Variants in NELL1 observed in about 807,000 individuals in gnomAD.
NELL1 encodes the protein protein kinase C-binding protein NELL1.
A neutral mutation model predicts 107.4 loss-of-function variants in NELL1; 76 were observed. The observed-to-expected ratio is 0.71, with a 90% CI of 0.59 to 0.86. The LOEUF is 0.86. NELL1 is among the 40% of genes least tolerant of loss of function. NELL1 has a pLI of 0.00. For synonymous variants in NELL1, 353 were observed against 341.2 expected, an observed-to-expected ratio of 1.03 and a Z score of -0.38; for missense variants, 1,024 against 1,005.5, an observed-to-expected ratio of 1.02 and a Z score of -0.25.
intron 2 of NELL1, among the ~76,000 whole-genome samples, chr11:20,693,425 C>T (rs185254379): frequency 0.063 from 9,581 of 152,008 alleles, 335 homozygotes; most frequent in Middle Eastern, 0.1. Context: ...CAGCTGGTAC[C>T]GGTTGTGCCT....
intron 13 of NELL1, among the ~76,000 whole-genome samples, chr11:21,193,047 A>G (rs1857079663): frequency 6.6e-6 from 1 of 151,922 alleles, no homozygotes; most frequent in South Asian, 2.1e-4. Context: ...ACTCTAATCC[A>G]TAACTTGACA....
intron 10 of NELL1, among the ~76,000 whole-genome samples, chr11:20,938,940 C>CTCTGTG (rs1216133538): frequency 4.4e-4 from 25 of 57,392 alleles, no homozygotes; most frequent in Admixed American, 2.0e-3. Context: ...CTCTCTCTCT[C>CTCTGTG]TGTGTGTGTG....
chr11:20,729,393 A>G (rs1178300699), intron 2 of NELL1, among the ~76,000 whole-genome samples: 2 of 152,136 alleles, frequency 1.3e-5, no homozygotes, highest in Non-Finnish European at 1.5e-5. Context: ...ACAGTTCTCA[A>G]GGGGAATGCT....
intron 15 of NELL1, among the ~76,000 whole-genome samples, chr11:21,461,214 C>T (rs887063484): frequency 2.0e-5 from 3 of 151,988 alleles, no homozygotes; most frequent in African/African-American, 7.2e-5. Flanking sequence ...TTAGGAGAAG[C>T]GCTCAGTGAT....
At chr11:21,087,661 G>T (rs2133682813) in intron 12 of NELL1, among the ~76,000 whole-genome samples, 1 of 152,216 alleles carries the variant, frequency 6.6e-6, no homozygotes, top group East Asian at 1.9e-4. Context: ...AGGAAGGAGG[G>T]AGTATGAGAT....
chr11:20,768,242 C>T (rs761047711), intron 2 of NELL1, among the ~76,000 whole-genome samples: 8 of 152,164 alleles, frequency 5.3e-5, no homozygotes, highest in Non-Finnish European at 1.2e-4. Context: ...AATCACTTGG[C>T]CAAGGTTATG....
rs1854384551 is a variant in NELL1, at chr11:21,477,853, TAAA to T, written c.1646-56520_1646-56518del. 2.7e-5 allele frequency among the ~76,000 whole-genome samples: 4 copies of T among 148,290 alleles called. No individual in the cohort carries two copies. The Admixed American group carries it at 2.7e-4, about 10-fold the overall frequency. Reference sequence around the variant, plus strand: ...TAAATTATATAAATAAAAATTATAATAAAGTTATTTATAATAATAAATAAATTA... The same window carrying T: ...TAAATTATATAAATAAAAATTATAATGTTATTTATAATAATAAATAAATTA... On this transcript the variant is annotated intron_variant, in intron 15 of 19. Transcript: ENST00000357134.
intron 3 of NELL1, among the ~76,000 whole-genome samples, chr11:20,842,783 C>A (rs1379341942): frequency 6.6e-6 from 1 of 152,038 alleles, no homozygotes; most frequent in Non-Finnish European, 1.5e-5. Flanking sequence ...TAGTGCCTGG[C>A]CCATAGTCAC....
At chr11:21,506,609 G>A (rs1279710764) in intron 15 of NELL1, among the ~76,000 whole-genome samples, 1 of 152,118 alleles carries the variant, frequency 6.6e-6, no homozygotes, top group Non-Finnish European at 1.5e-5. Context: ...GTGGTTTATG[G>A]TGGGAATAAA....
In NELL1 at chr11:21,469,232, G is replaced by A. The variant is rs116590226; in HGVS notation, c.1646-65142G>A. Among the ~76,000 whole-genome samples, 948 of 152,122 alleles carry A rather than the reference G, an allele frequency of 6.2e-3. 8 individuals carry two copies. The highest frequency in any genetic ancestry group is 0.022 in the African/African-American group (895 of 41,508). The stretch of plus-strand genomic sequence containing the variant: ...AACATCTAAGTAGAGTAGGACGACT[G>A]AAAGACCAAATCCCTTGCAATCACA... On this transcript the variant is annotated intron_variant, in intron 15 of 19. Coordinates refer to ENST00000357134, the MANE Select transcript of NELL1 (RefSeq NM_006157.5).
rs59848133 is a variant in NELL1 at position 21,099,192 on chromosome 11, A to AACACACACACAC, written c.1301-14367_1301-14356dup. Among the ~76,000 whole-genome samples the AACACACACACAC allele has an allele frequency of 6.8e-4, 97 of 141,956 alleles. 1 individual carries two copies. Among genetic ancestry groups the AACACACACACAC allele is most frequent in the African/African-American group, 2.3e-3 (88 of 38,178 alleles). The allele number at this position is 141,956 out of a possible 152,430, so 93.1% of individuals were successfully genotyped here. A position where few individuals can be genotyped will look rare whatever the true frequency, so the allele number is the denominator to read the frequency against. On this transcript the variant is annotated intron_variant, in intron 12 of 19. Transcript: ENST00000357134. The stretch of plus-strand genomic sequence containing the variant: ...AATTTATTGGAAAAAGACACTGAAC[A>AACACACACACAC]ACACACACACACACACACACACACA...
chr11:20,750,451 T>C lies in NELL1; in HGVS notation c.185-33229T>C, dbSNP rs960867896. Among the ~76,000 whole-genome samples the C allele has an allele frequency of 5.9e-5, 9 of 152,180 alleles. No individual in the cohort carries two copies. The Middle Eastern group carries it at 0.014, about 230-fold the overall frequency. On this transcript the variant is annotated intron_variant, in intron 2 of 19. Transcript: ENST00000357134. Reference sequence around the variant, plus strand: ...AAGCCCAGTATATATATTTTTTCTTTTGTGGCTTTTTGTGTCTTTTCTAAG... The same window carrying C: ...AAGCCCAGTATATATATTTTTTCTTCTGTGGCTTTTTGTGTCTTTTCTAAG...
intron 16 of NELL1, among the ~76,000 whole-genome samples, chr11:21,538,072 A>T (rs1442091378): frequency 6.6e-6 from 1 of 152,146 alleles, no homozygotes; most frequent in African/African-American, 2.4e-5. Flanking sequence ...ATCAACCACT[A>T]ATGCTTACAT....
chr11:20,992,024 T>C (rs1851987609), intron 12 of NELL1, among the ~76,000 whole-genome samples: 1 of 149,918 alleles, frequency 6.7e-6, no homozygotes, highest in Non-Finnish European at 1.5e-5. Flanking sequence ...TGAAAATATT[T>C]GTATTTAACT....
intron 2 of NELL1, among the ~76,000 whole-genome samples, chr11:20,757,734 C>T (rs116117910): frequency 0.019 from 2,892 of 152,212 alleles, 102 homozygotes; most frequent in African/African-American, 0.066. Flanking sequence ...CTTTCTAAAC[C>T]GATTTTACCT....
At chr11:20,943,045 A>G (rs1342927855) in intron 10 of NELL1, among the ~76,000 whole-genome samples, 1 of 140,626 alleles carries the variant, frequency 7.1e-6, no homozygotes, top group Non-Finnish European at 1.5e-5. Context: ...ACTTGGGTTC[A>G]TCTTTTACTG....
chr11:21,086,751 T>A (rs1590623411), intron 12 of NELL1, among the ~76,000 whole-genome samples: 1 of 151,966 alleles, frequency 6.6e-6, no homozygotes, highest in Non-Finnish European at 1.5e-5. Context: ...GCTTCTGATT[T>A]GAAAGGCAGA....
chr11:20,788,071 T>C (rs1251918529), intron 3 of NELL1, among the ~76,000 whole-genome samples: 4 of 152,206 alleles, frequency 2.6e-5, no homozygotes, highest in African/African-American at 9.7e-5. Context: ...TAATGTTACA[T>C]TGTTTGGATA....
chr11:21,307,320 ATG>A (rs942287017), intron 14 of NELL1, among the ~76,000 whole-genome samples: 1 of 151,766 alleles, frequency 6.6e-6, no homozygotes, highest in African/African-American at 2.4e-5. Context: ...CTAACCCTGG[ATG>A]TGTGTGTGTT....
Sources: allele counts gnomAD v4.1 joint callset (sites outside exome capture counted in the v4.1 genomes callset), GRCh38; gene constraint gnomAD v4.1.1; transcripts MANE v1.5; gene names NCBI Gene and HGNC (gene_info 2026-07-23, HGNC 2026-07-21).